RALGPS2: variants seen among roughly 807,000 people sequenced by gnomAD.
The protein encoded by RALGPS2 is ras-specific guanine nucleotide-releasing factor RalGPS2.
In RALGPS2, 43 loss-of-function variants were observed where a neutral mutation model predicts 86.8. The observed-to-expected ratio is 0.50, with a 90% CI of 0.39 to 0.64. The LOEUF (loss-of-function observed/expected upper bound fraction) is 0.64, where lower values mean the gene tolerates loss of function less well. RALGPS2 is among the 30% of genes least tolerant of loss of function. The pLI is 0.00. For missense variants in RALGPS2, 536 were observed against 694.6 expected (o/e 0.77, Z 2.57); for synonymous variants, 243 against 231.3 (o/e 1.05, Z -0.46).
At chr1:178,885,245 A>T in intron 12 of RALGPS2, 34 bp downstream of exon 12, 1 of 1,579,706 alleles carries the variant, frequency 6.3e-7, no homozygotes, top group Non-Finnish European at 8.6e-7. Flanking sequence ...TCAAATTTTT[A>T]AGTCTTTTGT....
chr1:178,865,383 G>A (rs763107039), intron 8 of RALGPS2: 1 of 1,614,002 alleles, frequency 6.2e-7, no homozygotes, highest in South Asian at 1.1e-5. Flanking sequence ...ATATAGAGTT[G>A]AGTAACACGA....
intron 1 of RALGPS2, among the ~76,000 whole-genome samples, chr1:178,765,866 C>T (rs1213588289): frequency 2.0e-5 from 3 of 152,306 alleles, no homozygotes; most frequent in Non-Finnish European, 4.4e-5. Context: ...CTGTTCTGCC[C>T]GGCCCACAGG....
In RALGPS2 at chr1:178,775,165, T is replaced by C. The variant is rs924790266; in HGVS notation, c.-83-1517T>C. On this transcript the variant is annotated intron_variant, in intron 1 of 19. Coordinates refer to ENST00000367635, the MANE Select transcript of RALGPS2 (RefSeq NM_152663.5). The stretch of plus-strand genomic sequence containing the variant: ...ACTGTTTTAGGTGCTTTGTGTATAT[T>C]ATCTCATTTCGCTTCACCACAACTC... Among the ~76,000 whole-genome samples the C allele has an allele frequency of 3.3e-5, 5 of 152,180 alleles. No homozygotes were observed. In the South Asian group the frequency reaches 1.0e-3, roughly 32 times the overall value.
intron 8 of RALGPS2, among the ~76,000 whole-genome samples, chr1:178,869,824 T>C (rs1658638838): frequency 1.3e-5 from 2 of 152,134 alleles, no homozygotes; most frequent in South Asian, 2.1e-4. Context: ...TAAGGCATAC[T>C]ATTGGTAACG....
intron 8 of RALGPS2, among the ~76,000 whole-genome samples, chr1:178,873,651 A>T (rs937471063): frequency 6.6e-6 from 1 of 152,238 alleles, no homozygotes; most frequent in East Asian, 1.9e-4. Flanking sequence ...GGAGATGTGT[A>T]TAAGAATGTC....
In RALGPS2 at chr1:178,785,562, G is replaced by C. The variant is rs1373533429; in HGVS notation, c.168G>C (p.Gln56His). 1 of 1,583,060 alleles carries C rather than the reference G, an allele frequency of 6.3e-7. No individual in the cohort carries two copies. The highest frequency in any genetic ancestry group is 8.6e-7 in the Non-Finnish European group (1 of 1,165,988). The change falls in exon 4 of 20, where the codon CAG becomes CAC. Residue 56 changes from glutamine to histidine, a missense_variant. Physicochemically the swap from Gln to His is conservative, Grantham distance 24. This residue lies in a region of RALGPS2 where 184 missense variants were observed against 296.7 expected (regional missense o/e 0.62). Coordinates refer to ENST00000367635, the MANE Select transcript of RALGPS2 (RefSeq NM_152663.5). ...LKVTPEEYAG[Q>H]ITLMDVPVFK... ...ATTTTTACTTTATATTTCAGGGTCA[G>C]ATAACATTAATGGATGTTCCAGTAT...
At chr1:178,853,568 C>T in intron 8 of RALGPS2, 1 of 1,520,612 alleles carries the variant, frequency 6.6e-7, no homozygotes, top group Non-Finnish European at 8.8e-7. Context: ...TGTTTTACTT[C>T]CCTTAGGTCT....
chr1:178,744,577 G>T (rs1183558538), intron 1 of RALGPS2, among the ~76,000 whole-genome samples: 1 of 152,102 alleles, frequency 6.6e-6, no homozygotes, highest in Non-Finnish European at 1.5e-5. Context: ...AGGGATGCTG[G>T]AGAGCAGGGG....
chr1:178,893,249 T>A (rs1196718109), intron 15 of RALGPS2, among the ~76,000 whole-genome samples: 5 of 151,696 alleles, frequency 3.3e-5, no homozygotes, highest in Non-Finnish European at 2.9e-5. Context: ...TTTGTGATTT[T>A]TTTTTTTTTA....
intron 8 of RALGPS2, among the ~76,000 whole-genome samples, chr1:178,864,278 T>G (rs1344338983): frequency 2.0e-5 from 3 of 150,696 alleles, no homozygotes; most frequent in Non-Finnish European, 2.9e-5. Context: ...AATGCAATAG[T>G]TTTTTTTTAT....
chr1:178,852,920 G>C (rs745479614), intron 8 of RALGPS2: 1 of 1,612,734 alleles, frequency 6.2e-7, no homozygotes, highest in South Asian at 1.1e-5. Flanking sequence ...TCCAGTCCAA[G>C]CCAGTATTCT....
intron 7 of RALGPS2, among the ~76,000 whole-genome samples, chr1:178,823,983 A>G (rs989561916): frequency 6.6e-6 from 1 of 152,222 alleles, no homozygotes; most frequent in Non-Finnish European, 1.5e-5. Flanking sequence ...AGGATTCCCA[A>G]GTAGAGATTG....
chr1:178,731,211 A>G (rs947709558), intron 1 of RALGPS2, among the ~76,000 whole-genome samples: 1 of 150,712 alleles, frequency 6.6e-6, no homozygotes, highest in Non-Finnish European at 1.5e-5. Context: ...ATAGGTATAG[A>G]ATTCCAAGGT....
chr1:178,770,018 C>G (rs1652711230), intron 1 of RALGPS2, among the ~76,000 whole-genome samples: 2 of 134,142 alleles, frequency 1.5e-5, no homozygotes, highest in Non-Finnish European at 1.6e-5. Context: ...TCGATTGCTT[C>G]TTTTTTTTTT....
chr1:178,888,806 C>T (rs1659599144), intron 13 of RALGPS2, among the ~76,000 whole-genome samples: 1 of 152,082 alleles, frequency 6.6e-6, no homozygotes, highest in Admixed American at 6.5e-5. Context: ...TTACAGCATC[C>T]ATTACAGGTG....
At chr1:178,764,706 C>T (rs1456918418) in intron 1 of RALGPS2, among the ~76,000 whole-genome samples, 1 of 152,138 alleles carries the variant, frequency 6.6e-6, no homozygotes, top group African/African-American at 2.4e-5. Context: ...ATTATTTCTT[C>T]TTCGCTTATG....
chr1:178,731,366 T>C (rs1477178128), intron 1 of RALGPS2, among the ~76,000 whole-genome samples: 1 of 123,178 alleles, frequency 8.1e-6, no homozygotes, highest in Non-Finnish European at 1.6e-5. Flanking sequence ...CAGTGCACCC[T>C]CCACCTCCTG....
intron 2 of RALGPS2, among the ~76,000 whole-genome samples, chr1:178,778,884 T>G (rs1460081718): frequency 6.6e-6 from 1 of 152,242 alleles, no homozygotes. Context: ...TAGTGATTCG[T>G]ATGTTCCCTG....
chr1:178,755,858 T>C (rs758574479), intron 1 of RALGPS2, among the ~76,000 whole-genome samples: 7 of 152,228 alleles, frequency 4.6e-5, no homozygotes, highest in African/African-American at 9.6e-5. Context: ...TCTTATTTCT[T>C]GACTTTTTAA....
Sources: allele counts gnomAD v4.1 joint callset (sites outside exome capture counted in the v4.1 genomes callset), GRCh38; gene constraint gnomAD v4.1.1; regional missense constraint gnomAD v4.1.1; transcripts MANE v1.5; gene names NCBI Gene and HGNC (gene_info 2026-07-23, HGNC 2026-07-21).